HMCN1: variants seen among roughly 807,000 people sequenced by gnomAD.
HMCN1 encodes the protein hemicentin 1, also known as hemicentin-1.
HMCN1 carries 321 observed loss-of-function variants against 625.9 expected under a neutral mutation model. That is an observed-to-expected ratio of 0.51 (90% CI 0.47 to 0.56). The LOEUF (loss-of-function observed/expected upper bound fraction) is 0.56. Ranked by LOEUF, HMCN1 falls within the 20% of genes least tolerant of loss-of-function variation. HMCN1 has a pLI of 0.00. For missense variants in HMCN1, 6,588 were observed against 6,887.3 expected (o/e 0.96, Z 1.54); for synonymous variants, 2,425 against 2,417.6 (o/e 1.00, Z -0.09).
intron 11 of HMCN1, among the ~76,000 whole-genome samples, chr1:185,948,957 G>A (rs542737455): frequency 1.5e-4 from 22 of 151,524 alleles, no homozygotes; most frequent in African/African-American, 3.4e-4. Flanking sequence ...AGCATTTGTC[G>A]TATAGAATGA....
chr1:185,752,641 C>T lies in HMCN1; in HGVS notation c.268+17594C>T, dbSNP rs554742361. Among the ~76,000 whole-genome samples the T allele has an allele frequency of 7.2e-4, 109 of 152,236 alleles. 1 individual carries two copies. The highest frequency in any genetic ancestry group is 2.5e-3 in the African/African-American group (103 of 41,552). On this transcript the variant is annotated intron_variant, in intron 1 of 106. Coordinates refer to ENST00000271588, the MANE Select transcript of HMCN1 (RefSeq NM_031935.3). ...CATATCTTCACACATTTCCTTGCCTCTATATTCTTTTCCCATGTCCAAATT... is the reference window on the plus strand; with the variant it reads ...CATATCTTCACACATTTCCTTGCCTTTATATTCTTTTCCCATGTCCAAATT...
At chr1:185,736,469 C>T (rs10737263) in intron 1 of HMCN1, among the ~76,000 whole-genome samples, 4 of 152,216 alleles carry the variant, frequency 2.6e-5, no homozygotes, top group East Asian at 1.9e-4. Context: ...TTTGTTATTT[C>T]GGAATACCTT....
rs753795619 is a variant in HMCN1 at position 186,023,152 on chromosome 1, T to C, written c.5748T>C (p.His1916=). ...AACAGCACATTCAACTGCATGTTCA[T>C]GGTAATGTAATTTCTACACCTTAAC... The part of the protein sequence containing the change: ...ETQQHIQLHV[H]EPPSLEDAGK... Residue 1916 remains histidine, a splice_region_variant and synonymous_variant, in exon 36 of 107, where the codon CAT becomes CAC. Coordinates refer to ENST00000271588, the MANE Select transcript of HMCN1 (RefSeq NM_031935.3). 69 of 1,612,702 alleles carry C rather than the reference T, an allele frequency of 4.3e-5. No homozygotes were observed. Among genetic ancestry groups the C allele is most frequent in the Non-Finnish European group, 5.9e-5 (69 of 1,179,054 alleles).
At chr1:186,115,520 T>C in intron 75 of HMCN1, 106 bp downstream of exon 75, 1 of 1,056,976 alleles carries the variant, frequency 9.5e-7, no homozygotes, top group South Asian at 1.3e-5. Context: ...TATAACAAAT[T>C]AGCTAGCATA....
chr1:185,922,254 C>A, intron 6 of HMCN1, 125 bp from the exon 7 acceptor site: 1 of 1,040,738 alleles, frequency 9.6e-7, no homozygotes, highest in Non-Finnish European at 1.5e-6. Flanking sequence ...AACATCAGAT[C>A]AGAGCCTCAG....
At chr1:185,782,445 T>C (rs1262170089) in intron 1 of HMCN1, among the ~76,000 whole-genome samples, 1 of 152,248 alleles carries the variant, frequency 6.6e-6, no homozygotes, top group East Asian at 1.9e-4. Flanking sequence ...CTAGCCTTGA[T>C]GGTCTTTACA....
chr1:186,063,050 G>GCA (rs1335046826), intron 48 of HMCN1, among the ~76,000 whole-genome samples: 5 of 107,180 alleles, frequency 4.7e-5, no homozygotes, highest in African/African-American at 1.6e-4. Flanking sequence ...GTGTGTGTGT[G>GCA]TGTGTGTGTG....
At chr1:186,079,836 G>C (rs1659058876) in intron 55 of HMCN1, among the ~76,000 whole-genome samples, 1 of 152,112 alleles carries the variant, frequency 6.6e-6, no homozygotes, top group South Asian at 2.1e-4. Context: ...AAAATTAACT[G>C]GTCCCCAAAT....
chr1:185,750,210 T>C (rs1654704097), intron 1 of HMCN1, among the ~76,000 whole-genome samples: 1 of 152,200 alleles, frequency 6.6e-6, no homozygotes, highest in Admixed American at 6.5e-5. Context: ...TCCTGGCATA[T>C]AGAAGGCACT....
intron 40 of HMCN1, among the ~76,000 whole-genome samples, chr1:186,042,088 T>C (rs1390277643): frequency 2.6e-5 from 4 of 152,244 alleles, no homozygotes; most frequent in Admixed American, 1.3e-4. Context: ...ATCATACATA[T>C]CTAATGAAAG....
In HMCN1 at chr1:186,136,653, T is replaced by C; in HGVS notation, c.13313-15T>C. On this transcript the variant is annotated splice_polypyrimidine_tract_variant and intron_variant, in intron 86 of 106. Coordinates refer to ENST00000271588, the MANE Select transcript of HMCN1 (RefSeq NM_031935.3). ...ACTCCACAAAAACTGAGACACTATGTGCTTTTTTCCGTAGGTCCTCCTATT... is the reference window on the plus strand; with the variant it reads ...ACTCCACAAAAACTGAGACACTATGCGCTTTTTTCCGTAGGTCCTCCTATT... 3 of 1,613,562 alleles carry C rather than the reference T, an allele frequency of 1.9e-6. No individual in the cohort carries two copies. Among genetic ancestry groups the C allele is most frequent in the Non-Finnish European group, 2.5e-6 (3 of 1,179,574 alleles).
At chr1:185,756,928 T>C (rs776770335) in intron 1 of HMCN1, among the ~76,000 whole-genome samples, 17 of 152,146 alleles carry the variant, frequency 1.1e-4, no homozygotes, top group Non-Finnish European at 2.4e-4. Context: ...CTTTTAAAAA[T>C]TGCATCATCT....
At chr1:185,897,445 C>T (rs1375311227) in intron 4 of HMCN1, among the ~76,000 whole-genome samples, 1 of 152,188 alleles carries the variant, frequency 6.6e-6, no homozygotes, top group Non-Finnish European at 1.5e-5. Flanking sequence ...CATGTGAGGA[C>T]TGCCACATAC....
chr1:185,984,399 A>G, intron 19 of HMCN1, 86 bp downstream of exon 19: 1 of 1,231,870 alleles, frequency 8.1e-7, no homozygotes, highest in Admixed American at 1.7e-5. Context: ...CTGTTCCTCT[A>G]ATTACAATTA....
chr1:186,054,452 C>A (rs976948024), intron 44 of HMCN1, among the ~76,000 whole-genome samples: 1 of 151,842 alleles, frequency 6.6e-6, no homozygotes, highest in African/African-American at 2.4e-5. Context: ...AATTTAAGCT[C>A]CAAGAGGTTT....
chr1:186,003,575 T>C, intron 28 of HMCN1, 143 bp from the exon 29 acceptor site: 1 of 753,274 alleles, frequency 1.3e-6, no homozygotes, highest in East Asian at 2.7e-5. Flanking sequence ...AGAAATGATA[T>C]GAAAAAGTAT....
chr1:185,876,784 T>C (rs1663966677), intron 4 of HMCN1, among the ~76,000 whole-genome samples: 1 of 152,076 alleles, frequency 6.6e-6, no homozygotes, highest in Non-Finnish European at 1.5e-5. Flanking sequence ...TTGAGTTGTT[T>C]GAGTTATTTC....
chr1:186,034,864 A>G (rs543605928), intron 36 of HMCN1, among the ~76,000 whole-genome samples: 13 of 152,192 alleles, frequency 8.5e-5, no homozygotes, highest in Admixed American at 7.2e-4. Context: ...GGAGGAGTAG[A>G]TTTTTTGAGT....
intron 1 of HMCN1, among the ~76,000 whole-genome samples, chr1:185,796,933 A>G (rs567006512): frequency 6.6e-6 from 1 of 152,292 alleles, no homozygotes; most frequent in South Asian, 2.1e-4. Context: ...TCTTTTCCAT[A>G]GAGGTTGTAC....
Sources: gnomAD v4.1 joint callset for allele counts (sites outside exome capture counted in the v4.1 genomes callset) on GRCh38, gnomAD v4.1.1 for gene constraint, MANE v1.5 for transcripts, NCBI Gene and HGNC (gene_info 2026-07-23, HGNC 2026-07-21) for gene names.